HOOK3: variants seen among roughly 807,000 people sequenced by gnomAD.
The protein encoded by HOOK3 is protein Hook homolog 3.
Under a neutral mutation model 116.3 loss-of-function variants are expected in HOOK3, and 24 were observed. The observed-to-expected ratio is 0.21, with a 90% CI of 0.15 to 0.29. The LOEUF is 0.29. HOOK3 is among the 10% of genes least tolerant of loss of function. The pLI is 1.00. For missense variants in HOOK3, 632 were observed against 830.2 expected (o/e 0.76, Z 2.93); for synonymous variants, 275 against 283.0 (o/e 0.97, Z 0.28).
intron 8 of HOOK3, among the ~76,000 whole-genome samples, chr8:42,961,685 G>T (rs894964175): frequency 1.3e-5 from 2 of 152,280 alleles, no homozygotes; most frequent in African/African-American, 4.8e-5. Flanking sequence ...ATAAAATTAG[G>T]AACCGTAAAA....
chr8:42,955,667 A>G (rs1370285536), intron 6 of HOOK3, among the ~76,000 whole-genome samples: 1 of 152,170 alleles, frequency 6.6e-6, no homozygotes, highest in East Asian at 1.9e-4. Context: ...GTGAGGAAGA[A>G]AGTGAAATGA....
chr8:43,003,190 C>T (rs1809411871), intron 17 of HOOK3, among the ~76,000 whole-genome samples: 1 of 152,150 alleles, frequency 6.6e-6, no homozygotes, highest in South Asian at 2.1e-4. Context: ...TCCTCAGTAC[C>T]ACAAAGATAA....
chr8:42,941,567 G>A (rs766901668), intron 4 of HOOK3, among the ~76,000 whole-genome samples: 1 of 150,126 alleles, frequency 6.7e-6, no homozygotes, highest in African/African-American at 2.4e-5. Flanking sequence ...TGTCTGGCCA[G>A]TATTTTCTTT....
chr8:42,927,835 C>T (rs1221569707), intron 3 of HOOK3, among the ~76,000 whole-genome samples: 1 of 152,140 alleles, frequency 6.6e-6, no homozygotes, highest in African/African-American at 2.4e-5. Flanking sequence ...AACTCCTGGG[C>T]TCAAGCCATC....
chr8:43,013,389 TG>T lies in HOOK3; in HGVS notation c.2007del (p.Trp669CysfsTer6). On this transcript the variant is annotated frameshift_variant, in exon 21 of 22. Coordinates refer to ENST00000307602, the MANE Select transcript of HOOK3 (RefSeq NM_032410.4). LOFTEE classifies it high-confidence loss of function. The part of the protein sequence containing the change: ...EMEEKYIVSA[W>X]YNMGMTLHKK... ...GGAAGAGAAATATATTGTTAGTGCC[TG>T]GTACAATATGGTAAGAAAATAGTAC... 6.3e-7 allele frequency: 1 copy of T among 1,581,632 alleles called. No individual in the cohort carries two copies. The highest frequency in any genetic ancestry group is 8.6e-7 in the Non-Finnish European group (1 of 1,167,216).
At chr8:42,919,311 C>T (rs529758941) in intron 2 of HOOK3, among the ~76,000 whole-genome samples, 139 of 150,376 alleles carry the variant, frequency 9.2e-4, no homozygotes, top group African/African-American at 3.3e-3. Flanking sequence ...GACGGGGTGG[C>T]GGCGGGGCAG....
At chr8:42,911,175 G>A (rs1807421371) in intron 2 of HOOK3, among the ~76,000 whole-genome samples, 1 of 152,230 alleles carries the variant, frequency 6.6e-6, no homozygotes, top group African/African-American at 2.4e-5. Flanking sequence ...TAAGAGGTCG[G>A]GTGCGGTGGC....
intron 4 of HOOK3, among the ~76,000 whole-genome samples, chr8:42,934,426 A>T (rs1807927234): frequency 6.6e-6 from 1 of 151,940 alleles, no homozygotes; most frequent in African/African-American, 2.4e-5. Flanking sequence ...AAGTTCTGAG[A>T]TACATGTGCA....
intron 11 of HOOK3, among the ~76,000 whole-genome samples, chr8:42,971,134 C>T (rs941976845): frequency 1.3e-5 from 2 of 151,894 alleles, no homozygotes; most frequent in African/African-American, 4.8e-5. Context: ...TCTTAATCAG[C>T]ATAACTGGAC....
chr8:42,940,958 T>C (rs114110073), intron 4 of HOOK3, among the ~76,000 whole-genome samples: 7,213 of 151,794 alleles, frequency 0.048, 347 homozygotes, highest in African/African-American at 0.12. Context: ...TTACTTATTT[T>C]TGAGATGGAG....
chr8:42,935,248 T>TC (rs910441693), intron 4 of HOOK3, among the ~76,000 whole-genome samples: 2 of 152,168 alleles, frequency 1.3e-5, no homozygotes, highest in African/African-American at 4.8e-5. Flanking sequence ...TGTTTTTTTT[T>TC]CTTGTACATT....
At chr8:42,968,665 A>G (rs1412921652) in intron 11 of HOOK3, among the ~76,000 whole-genome samples, 1 of 152,134 alleles carries the variant, frequency 6.6e-6, no homozygotes, top group Non-Finnish European at 1.5e-5. Flanking sequence ...TATTTATCTA[A>G]TATTTAAAGA....
In HOOK3 at chr8:43,013,239, A is replaced by G. The variant is rs1406628205; in HGVS notation, c.1944+84A>G. On this transcript the variant is annotated intron_variant, in intron 20 of 21. Transcript: ENST00000307602. ...CTTGTTATATTTTACAATTGTGTTC[A>G]TGAGTTTTAACAATTAATTGTAAGT... is the stretch of plus-strand genomic sequence containing the variant. The G allele has an allele frequency of 2.1e-6, 3 of 1,395,644 alleles. No individual in the cohort carries two copies. The East Asian group carries it at 7.3e-5, about 34-fold the overall frequency. The allele number at this position is 1,395,644 out of a possible 1,614,324, so 86.5% of individuals were successfully genotyped here.
At chr8:42,925,524 A>T (rs370980704) in intron 2 of HOOK3, 33 bp from the exon 3 acceptor site, 1 of 1,431,730 alleles carries the variant, frequency 7.0e-7, no homozygotes, top group South Asian at 1.2e-5. Context: ...TAGCTACATG[A>T]TTTTAATATG....
intron 2 of HOOK3, among the ~76,000 whole-genome samples, chr8:42,916,658 C>T (rs1410357376): frequency 6.6e-6 from 1 of 152,164 alleles, no homozygotes. Context: ...AAAGCTGCAC[C>T]AGACAGTATA....
Position 42,946,957 on chromosome 8 carries a change from G to T in HOOK3, c.401-3431G>T, listed in dbSNP as rs1044773004. Among the ~76,000 whole-genome samples the T allele has an allele frequency of 9.2e-4, 139 of 151,902 alleles. 1 individual carries two copies. The highest frequency in any genetic ancestry group is 3.2e-3 in the African/African-American group (134 of 41,460). ...GGCTAATTTTTGTATTTTTAGTAGA[G>T]ACGGGTTTTTACCATGTTGGTCAGG... On this transcript the variant is annotated intron_variant, in intron 5 of 21. Transcript: ENST00000307602.
At chr8:42,967,951 C>A (rs1808661524) in intron 10 of HOOK3, 62 bp from the exon 11 acceptor site, 3 of 940,726 alleles carry the variant, frequency 3.2e-6, no homozygotes, top group Non-Finnish European at 5.1e-6. Context: ...CTTCTTAACA[C>A]TGAAACAACT....
At position 43,022,732 on chromosome 8, in the gene HOOK3, C is replaced by G. The variant is rs1809852484; in HGVS notation, c.*4234C>G. The G allele has an allele frequency of 5.6e-6, 1 of 180,068 alleles. No homozygotes were observed. The highest frequency in any genetic ancestry group is 1.2e-5 in the Non-Finnish European group (1 of 84,202). The allele number at this position is 180,068 out of a possible 1,614,324, so 11.2% of individuals were successfully genotyped here. A position where few individuals can be genotyped will look rare whatever the true frequency, so the allele number is the denominator to read the frequency against. On this transcript the variant is annotated 3_prime_UTR_variant, in exon 22 of 22. Transcript: ENST00000307602. ...ATGCAGAAAAAAGTCCCTAAAGACCCTGTGTTCCAAAATTTACCAAGATTG... is the reference window on the plus strand; with the variant it reads ...ATGCAGAAAAAAGTCCCTAAAGACCGTGTGTTCCAAAATTTACCAAGATTG...
intron 15 of HOOK3, among the ~76,000 whole-genome samples, chr8:42,992,946 C>G (rs951168249): frequency 1.3e-5 from 2 of 151,990 alleles, no homozygotes; most frequent in African/African-American, 4.8e-5. Flanking sequence ...AGCTATGGGT[C>G]TCTCGTATGT....
Sources: gnomAD v4.1 joint callset for allele counts (sites outside exome capture counted in the v4.1 genomes callset) on GRCh38, gnomAD v4.1.1 for gene constraint, MANE v1.5 for transcripts, NCBI Gene and HGNC (gene_info 2026-07-23, HGNC 2026-07-21) for gene names.